The following C10orf90 variants were observed in gnomAD, a reference collection of about 807,000 sequenced individuals.
The protein encoded by C10orf90 is chromosome 10 open reading frame 90.
A neutral mutation model predicts 62.5 loss-of-function variants in C10orf90; 56 were observed. The ratio of observed to expected loss-of-function variants is 0.90; its 90% CI spans 0.72 to 1.12. C10orf90 has a LOEUF of 1.12. C10orf90 is among the 50% of genes most tolerant of loss of function. The pLI is 0.00. For missense variants in C10orf90, 970 were observed against 880.4 expected (o/e 1.10, Z -1.29); for synonymous variants, 386 against 340.4 (o/e 1.13, Z -1.47).
intron 7 of C10orf90, among the ~76,000 whole-genome samples, chr10:126,448,905 T>C (rs1425212660): frequency 6.6e-6 from 1 of 152,182 alleles, no homozygotes; most frequent in Non-Finnish European, 1.5e-5. Flanking sequence ...ATCTTCTTTT[T>C]AAAAGAAAAG....
At chr10:126,575,787 C>G (rs1001163044) in intron 2 of C10orf90, among the ~76,000 whole-genome samples, 12 of 151,976 alleles carry the variant, frequency 7.9e-5, no homozygotes, top group Non-Finnish European at 1.6e-4. Context: ...TATCTTTAGC[C>G]AACTGATTTT....
intron 2 of C10orf90, among the ~76,000 whole-genome samples, chr10:126,553,399 T>G (rs1231146849): frequency 6.6e-6 from 1 of 152,174 alleles, no homozygotes; most frequent in African/African-American, 2.4e-5. Flanking sequence ...GAATAGGTGC[T>G]CAACACCTAT....
intron 2 of C10orf90, among the ~76,000 whole-genome samples, chr10:126,548,273 T>G (rs1312246188): frequency 6.6e-6 from 1 of 152,132 alleles, no homozygotes; most frequent in Non-Finnish European, 1.5e-5. Flanking sequence ...CCGGGCACAG[T>G]GGCTCGTGCC....
At chr10:126,660,893 C>T (rs1413075552) in intron 1 of C10orf90, among the ~76,000 whole-genome samples, 1 of 152,160 alleles carries the variant, frequency 6.6e-6, no homozygotes, top group Non-Finnish European at 1.5e-5. Flanking sequence ...GTGATCATTT[C>T]CCTTGGACTG....
intron 3 of C10orf90, chr10:126,512,013 G>A (rs995112879): frequency 2.6e-5 from 4 of 151,234 alleles, no homozygotes; most frequent in Non-Finnish European, 4.4e-5. Context: ...GAGAAGAGGC[G>A]GAGACTTACG....
chr10:126,593,810 C>T (rs1257485827), intron 2 of C10orf90, among the ~76,000 whole-genome samples: 2 of 152,108 alleles, frequency 1.3e-5, no homozygotes, highest in African/African-American at 4.8e-5. Flanking sequence ...TGTTTCCAAA[C>T]ATTGTGCTTG....
At position 126,517,580 on chromosome 10, in the gene C10orf90, C is replaced by T. The variant is rs995317119; in HGVS notation, c.314-3641G>A. On this transcript the variant is annotated intron_variant, in intron 2 of 9. Coordinates refer to ENST00000488181, the MANE Select transcript of C10orf90 (RefSeq NM_001350921.2). ...TCATAGCTTCACTCTGAGAATGACC[C>T]TCCACGTTGAAGCATGGCCCAGGAT... Among the ~76,000 whole-genome samples, 10 of 152,126 alleles carry T rather than the reference C, an allele frequency of 6.6e-5. 1 individual carries two copies. The highest frequency in any genetic ancestry group is 6.2e-4 in the South Asian group (3 of 4,824).
At chr10:126,569,478 G>A (rs1018707624) in intron 2 of C10orf90, among the ~76,000 whole-genome samples, 2 of 152,134 alleles carry the variant, frequency 1.3e-5, no homozygotes, top group African/African-American at 4.8e-5. Flanking sequence ...GCCTTTGAGG[G>A]TTCTACAGTC....
chr10:126,512,400 GTGTC>G (rs750189786), intron 3 of C10orf90, among the ~76,000 whole-genome samples: 4 of 17,736 alleles, frequency 2.3e-4, no homozygotes, highest in Admixed American at 7.8e-4. Context: ...GTGTGTGTGT[GTGTC>G]TGTGTGTCTG....
chr10:126,536,732 G>C (rs190422172), intron 2 of C10orf90, among the ~76,000 whole-genome samples: 1 of 152,092 alleles, frequency 6.6e-6, no homozygotes. Flanking sequence ...TGGGGCCCTC[G>C]CAAGTCTGAT....
chr10:126,550,394 G>A (rs187388550), intron 2 of C10orf90, among the ~76,000 whole-genome samples: 362 of 152,240 alleles, frequency 2.4e-3, no homozygotes, highest in South Asian at 6.9e-3. Context: ...TTGTAATCAC[G>A]GAAATGCTCT....
At chr10:126,458,896 T>C in intron 7 of C10orf90, 144 bp downstream of exon 7, 1 of 880,340 alleles carries the variant, frequency 1.1e-6, no homozygotes, top group Middle Eastern at 3.5e-4. Flanking sequence ...TTTATGATGC[T>C]GAGGGTCAGC....
intron 2 of C10orf90, among the ~76,000 whole-genome samples, chr10:126,542,004 G>A (rs1257696502): frequency 3.3e-5 from 5 of 152,184 alleles, no homozygotes; most frequent in African/African-American, 7.2e-5. Context: ...GAATGAAGCC[G>A]TGACACATGC....
intron 3 of C10orf90, among the ~76,000 whole-genome samples, chr10:126,506,614 G>T (rs1862747823): frequency 6.6e-6 from 1 of 152,204 alleles, no homozygotes; most frequent in African/African-American, 2.4e-5. Flanking sequence ...GATTGTGGGT[G>T]GCACCCAGGC....
At chr10:126,558,594 C>T (rs981097057) in intron 2 of C10orf90, among the ~76,000 whole-genome samples, 18 of 152,198 alleles carry the variant, frequency 1.2e-4, no homozygotes, top group African/African-American at 4.3e-4. Flanking sequence ...CTCAGCTGAG[C>T]TGAGAAGCCT....
Position 126,505,005 on chromosome 10 carries a change from T to C in C10orf90, c.486A>G (p.Glu162=), listed in dbSNP as rs201662070. The part of the protein sequence containing the change: ...SQMIDENKSR[E]NRASLPLPCA... ...ACGGTAGGGGCAAGGAGGCCCTGTT[T>C]TCTCTTGACTTATTCTCATCAATCA... The change falls in exon 4 of 10, where the codon GAA becomes GAG. Residue 162 remains glutamate, a synonymous_variant. Transcript: ENST00000488181. 201 of 1,614,238 alleles carry C rather than the reference T, an allele frequency of 1.2e-4. No homozygotes were observed. Among genetic ancestry groups the C allele is most frequent in the Non-Finnish European group, 1.6e-4 (183 of 1,180,040 alleles).
In C10orf90 at chr10:126,670,294, T is replaced by A. The variant is rs1402042661; in HGVS notation, c.187A>T (p.Ile63Phe). The A allele has an allele frequency of 2.2e-6, 1 of 456,692 alleles. No individual in the cohort carries two copies. Among genetic ancestry groups the A allele is most frequent in the Admixed American group, 2.3e-5 (1 of 42,578 alleles). 28.3% of individuals were successfully genotyped at this position (456,692 alleles called of 1,614,324 possible). ...PSQRRAKVCI[I>F]HMCQGLKTAE... ...GTCTTCAAGCCTTGACACATATGGA[T>A]GATACAAACTTTGGCTCTTCTCTGG... The change falls in exon 1 of 10, where the codon ATC becomes TTC. Residue 63 changes from isoleucine to phenylalanine, a missense_variant. Physicochemically the swap from Ile to Phe is conservative, Grantham distance 21. Coordinates refer to ENST00000488181, the MANE Select transcript of C10orf90 (RefSeq NM_001350921.2).
chr10:126,557,226 A>G (rs925386700), intron 2 of C10orf90, among the ~76,000 whole-genome samples: 4 of 152,062 alleles, frequency 2.6e-5, no homozygotes, highest in Admixed American at 6.6e-5. Context: ...TGACACCTGT[A>G]AGCCCAGCAC....
rs184092363 is a variant in C10orf90, at chr10:126,439,276, C to G, written c.2189-9426G>C. Reference sequence around the variant, plus strand: ...TCACTAGACCTAGAACTGCCACACTCCACCCAATGTTCTCACACTCACCCA... The same window carrying G: ...TCACTAGACCTAGAACTGCCACACTGCACCCAATGTTCTCACACTCACCCA... On this transcript the variant is annotated intron_variant, in intron 7 of 9. Transcript: ENST00000488181. Among the ~76,000 whole-genome samples, 111 of 152,286 alleles carry G rather than the reference C, an allele frequency of 7.3e-4. 1 individual carries two copies. The highest frequency in any genetic ancestry group is 2.3e-3 in the East Asian group (12 of 5,180).
Sources: allele counts gnomAD v4.1 joint callset (sites outside exome capture counted in the v4.1 genomes callset), GRCh38; gene constraint gnomAD v4.1.1; transcripts MANE v1.5; gene names NCBI Gene and HGNC (gene_info 2026-07-23, HGNC 2026-07-21).